The following FLT4 variants were observed in gnomAD, a reference collection of about 807,000 sequenced individuals.
FLT4 encodes the protein vascular endothelial growth factor receptor 3.
In FLT4, 30 loss-of-function variants were observed where a neutral mutation model predicts 163.2. The observed-to-expected ratio is 0.18, with a 90% CI of 0.14 to 0.25. FLT4 has a LOEUF of 0.25. Ranked by LOEUF, FLT4 falls within the 10% of genes least tolerant of loss-of-function variation. FLT4 has a pLI of 1.00. For synonymous variants in FLT4, 884 were observed against 789.5 expected, an observed-to-expected ratio of 1.12 and a Z score of -2.01; for missense variants, 1,510 against 1,863.8, an observed-to-expected ratio of 0.81 and a Z score of 3.50.
rs1281351028 is a variant in FLT4 at position 180,620,325 on chromosome 5, G to A, written c.2407-17C>T. ...GTGGGCCGGCTGCGGGGAGGGGACA[G>A]GGAGGAGTGGGGCAGCTCACTGATT... On this transcript the variant is annotated splice_polypyrimidine_tract_variant and intron_variant, in intron 16 of 29. Coordinates refer to ENST00000261937, the MANE Select transcript of FLT4 (RefSeq NM_182925.5). This position sits in a 1 kb window ranked among gnomAD's most constrained non-coding sequence, Gnocchi z 4.4. 6.2e-7 allele frequency: 1 copy of A among 1,609,318 alleles called. No homozygotes were observed. The highest frequency in any genetic ancestry group is 1.3e-5 in the African/African-American group (1 of 75,022).
rs866821185 is a variant in FLT4 at position 180,615,596 on chromosome 5, T to C, written c.3219+771A>G. ...TTCCTTTCGGAGCACTGGGTCCCGC[T>C]GGTCACCTCCCTTCTCCACTTCCTT... On this transcript the variant is annotated intron_variant, in intron 23 of 29. Transcript: ENST00000261937. 4.5e-3 allele frequency among the ~76,000 whole-genome samples: 156 copies of C among 34,966 alleles called. 2 individuals are homozygous for C. The highest frequency in any genetic ancestry group is 7.4e-3 in the African/African-American group (68 of 9,166). 22.9% of individuals were successfully genotyped at this position (34,966 alleles called of 152,430 possible).
Position 180,636,099 on chromosome 5 carries a change from C to T in FLT4, c.59-4321G>A, listed in dbSNP as rs879881023. ...TGTAGGAGCTTCCTCCTGAAGGCACCGTGCCACCAAAGGAAGCACCTGCAT... is the reference window on the plus strand; with the variant it reads ...TGTAGGAGCTTCCTCCTGAAGGCACTGTGCCACCAAAGGAAGCACCTGCAT... On this transcript the variant is annotated intron_variant, in intron 1 of 29. Transcript: ENST00000261937. This position sits in a 1 kb window ranked among gnomAD's most constrained non-coding sequence, Gnocchi z 4.3. 9.9e-5 allele frequency among the ~76,000 whole-genome samples: 15 copies of T among 151,902 alleles called. No individual in the cohort carries two copies. Among genetic ancestry groups the T allele is most frequent in the Non-Finnish European group, 1.5e-4 (10 of 67,936 alleles).
At chr5:180,629,501 C>G in intron 6 of FLT4, 74 bp from the exon 7 acceptor site, 1 of 1,564,646 alleles carries the variant, frequency 6.4e-7, no homozygotes, top group Non-Finnish European at 8.7e-7. Flanking sequence ...GCACACCTCC[C>G]AGCCCAGCCA....
intron 25 of FLT4, 131 bp downstream of exon 25, chr5:180,612,880 G>GT: frequency 1.4e-6 from 1 of 725,662 alleles, no homozygotes; most frequent in East Asian, 2.5e-5. Flanking sequence ...GACTACCCGT[G>GT]TATCTTGAGG....
At chr5:180,648,718 C>T (rs1734676874) in intron 1 of FLT4, among the ~76,000 whole-genome samples, 1 of 115,238 alleles carries the variant, frequency 8.7e-6, no homozygotes, top group African/African-American at 3.0e-5. Flanking sequence ...CGTCTCTCCC[C>T]GCCAGAGCCA....
In FLT4 at chr5:180,618,807, G is replaced by A. The variant is rs534133158; in HGVS notation, c.2964C>T (p.Thr988=). The change falls in exon 21 of 30, where the codon ACC becomes ACT. Residue 988 remains threonine (T), a synonymous_variant. Coordinates refer to ENST00000261937, the MANE Select transcript of FLT4 (RefSeq NM_182925.5). ...DRVLFARFSK[T]EGGARRASPD... is the part of the protein sequence containing the mutation. Reference sequence around the variant, plus strand: ...GAGAAGCCCGCCTCGCTCCGCCCTCGGTCTTCGAGAACCGCGCGAAGAGGA... The same window carrying A: ...GAGAAGCCCGCCTCGCTCCGCCCTCAGTCTTCGAGAACCGCGCGAAGAGGA... 1.3e-6 allele frequency: 2 copies of A among 1,586,980 alleles called. No homozygotes were observed. The highest frequency in any genetic ancestry group is 4.6e-5 in the East Asian group (2 of 43,132).
At chr5:180,611,268 T>A in intron 27 of FLT4, 63 bp downstream of exon 27, 1 of 1,588,756 alleles carries the variant, frequency 6.3e-7, no homozygotes, top group Non-Finnish European at 8.6e-7. Context: ...CGCAGAGGGA[T>A]AAAATGCACC....
chr5:180,640,615 G>T (rs372167086), intron 1 of FLT4, among the ~76,000 whole-genome samples: 6 of 152,378 alleles, frequency 3.9e-5, no homozygotes, highest in East Asian at 3.9e-4. Flanking sequence ...TTAAGCTAAT[G>T]ATGCCGTTTT....
At chr5:180,608,316 G>A (rs1269762561) in intron 29 of FLT4, 1 of 700,860 alleles carries the variant, frequency 1.4e-6, no homozygotes, top group Admixed American at 2.0e-5. Context: ...CCATGATCAT[G>A]TGACTTGCTT....
chr5:180,626,321 A>C, intron 8 of FLT4, 56 bp from the exon 9 acceptor site: 3 of 1,585,194 alleles, frequency 1.9e-6, no homozygotes, highest in Non-Finnish European at 2.6e-6. Flanking sequence ...CCCCAACCTC[A>C]TGCTGGCACC....
At chr5:180,645,528 T>C (rs1453197584) in intron 1 of FLT4, among the ~76,000 whole-genome samples, 2 of 152,222 alleles carry the variant, frequency 1.3e-5, no homozygotes, top group African/African-American at 4.8e-5. Context: ...TGTCCTCTCC[T>C]GTGGCCGACA....
intron 22 of FLT4, 148 bp downstream of exon 22, chr5:180,616,752 C>T: frequency 1.2e-6 from 1 of 841,266 alleles, no homozygotes; most frequent in Non-Finnish European, 2.1e-6. Flanking sequence ...CAACTCCATG[C>T]TTTGGGCAGA....
intron 8 of FLT4, among the ~76,000 whole-genome samples, chr5:180,627,584 C>T (rs968715870): frequency 4.6e-5 from 7 of 152,208 alleles, no homozygotes; most frequent in East Asian, 1.9e-4. Flanking sequence ...TGCTCGCCAT[C>T]GTCATGTGCT....
intron 1 of FLT4, among the ~76,000 whole-genome samples, chr5:180,641,265 G>T: frequency 6.6e-6 from 1 of 152,212 alleles, no homozygotes; most frequent in East Asian, 1.9e-4. Context: ...CTGGGCCGGG[G>T]TGTCATCAGC....
At chr5:180,610,829 A>G (rs989628801) in intron 27 of FLT4, among the ~76,000 whole-genome samples, 15 of 152,124 alleles carry the variant, frequency 9.9e-5, no homozygotes, top group South Asian at 8.3e-4. Context: ...AGGCCGAGGC[A>G]GGCAGATCAC....
intron 22 of FLT4, 122 bp downstream of exon 22, chr5:180,616,778 A>T (rs1762726407): frequency 1.1e-6 from 1 of 905,878 alleles, no homozygotes; most frequent in African/African-American, 1.6e-5. Flanking sequence ...CTCCTCTGCA[A>T]AGTGGGAGAG....
chr5:180,625,596 G>A (rs1402491125), intron 10 of FLT4, among the ~76,000 whole-genome samples: 1 of 152,228 alleles, frequency 6.6e-6, no homozygotes, highest in Non-Finnish European at 1.5e-5. Flanking sequence ...AGAGGTCTTC[G>A]CTCTTGAGGG....
intron 1 of FLT4, among the ~76,000 whole-genome samples, chr5:180,632,599 GGTGT>G (rs36217296): frequency 0.029 from 4,361 of 150,648 alleles, 166 homozygotes; most frequent in African/African-American, 0.084. Flanking sequence ...CCCGTGAGGT[GGTGT>G]GTGTGTGTGT....
At chr5:180,622,054 C>G in intron 12 of FLT4, 150 bp from the exon 13 acceptor site, 2 of 873,406 alleles carry the variant, frequency 2.3e-6, no homozygotes, top group East Asian at 5.3e-5. Context: ...CACCAAAAGC[C>G]CAGGTCATCA....
Sources: allele counts gnomAD v4.1 joint callset (sites outside exome capture counted in the v4.1 genomes callset), GRCh38; gene constraint gnomAD v4.1.1; non-coding constraint Gnocchi (gnomAD v3.1); transcripts MANE v1.5; gene names NCBI Gene and HGNC (gene_info 2026-07-23, HGNC 2026-07-21).